Variants in DCAF13 observed in about 807,000 individuals in gnomAD.
The protein encoded by DCAF13 is DDB1 and CUL4 associated factor 13, also known as DDB1- and CUL4-associated factor 13.
A neutral mutation model predicts 59.0 loss-of-function variants in DCAF13; 38 were observed. The ratio of observed to expected loss-of-function variants is 0.64; its 90% CI spans 0.50 to 0.84. DCAF13 has a LOEUF of 0.84. Ranked by LOEUF, DCAF13 falls within the 40% of genes least tolerant of loss-of-function variation. The pLI is 0.00. For missense variants in DCAF13, 469 were observed against 558.4 expected (o/e 0.84, Z 1.61); for synonymous variants, 173 against 175.0 (o/e 0.99, Z 0.09).
chr8:103,435,673 A>G lies in DCAF13; in HGVS notation c.833A>G (p.His278Arg), dbSNP rs767153044. The change falls in exon 8 of 11, where the codon CAT becomes CGT. Residue 278 changes from histidine (H) to arginine (R), a missense_variant. His to Arg is a conservative substitution (Grantham distance 29, BLOSUM62 0). Around this residue, in one of 3 missense-constraint regions of DCAF13, gnomAD observed 355 missense variants for 399.1 expected, o/e 0.89. Transcript: ENST00000612750. Reference protein sequence around the residue: ...MRALDTPVMVHMDHVSAVLDV... With the variant: ...MRALDTPVMVRMDHVSAVLDV... ...GCACTGGACACTCCTGTAATGGTCC[A>G]TATGGATCATGTATCTGCAGTGCTT... 3.7e-6 allele frequency: 6 copies of G among 1,612,340 alleles called. No individual in the cohort carries two copies. The highest frequency in any genetic ancestry group is 5.1e-6 in the Non-Finnish European group (6 of 1,179,096).
intron 1 of DCAF13, among the ~76,000 whole-genome samples, chr8:103,415,897 T>G (rs1816604153): frequency 6.6e-6 from 1 of 152,244 alleles, no homozygotes; most frequent in Non-Finnish European, 1.5e-5. Context: ...CTGCTCTTCT[T>G]GCCGCTTTAC....
At chr8:103,427,498 G>A (rs931370908) in intron 5 of DCAF13, 1 of 451,292 alleles carries the variant, frequency 2.2e-6, no homozygotes, top group Non-Finnish European at 3.9e-6. Flanking sequence ...TGCCCATTGG[G>A]GTAAAATCCA....
chr8:103,416,218 A>C (rs1230105022), intron 1 of DCAF13, among the ~76,000 whole-genome samples: 1 of 152,248 alleles, frequency 6.6e-6, no homozygotes, highest in Admixed American at 6.5e-5. Context: ...ATGAGGAGTA[A>C]GCGAGATGAG....
chr8:103,426,208 A>G (rs989970642), intron 4 of DCAF13, 63 bp downstream of exon 4: 37 of 1,003,696 alleles, frequency 3.7e-5, no homozygotes, highest in Middle Eastern at 3.2e-4. Context: ...ATTATTTTAT[A>G]GTTATAATTT....
chr8:103,418,844 A>ATATATATATTTATATATT (rs1816667728), intron 1 of DCAF13, among the ~76,000 whole-genome samples: 1 of 15,396 alleles, frequency 6.5e-5, no homozygotes, highest in African/African-American at 2.9e-4. Flanking sequence ...ATATATATAT[A>ATATATATATTTATATATT]TATATATATA....
intron 5 of DCAF13, chr8:103,429,068 C>G (rs1442435613): frequency 1.3e-5 from 2 of 152,120 alleles, no homozygotes; most frequent in African/African-American, 4.8e-5. Flanking sequence ...TTAATTTTCT[C>G]TTAAAATATT....
intron 1 of DCAF13, 98 bp downstream of exon 1, chr8:103,415,614 G>T: frequency 1.6e-6 from 2 of 1,225,584 alleles, no homozygotes; most frequent in South Asian, 3.0e-5. Context: ...TGGCACTCTG[G>T]TCTGGTTCTT....
chr8:103,423,695 G>A (rs1171667109), intron 3 of DCAF13, among the ~76,000 whole-genome samples: 1 of 152,204 alleles, frequency 6.6e-6, no homozygotes, highest in Admixed American at 6.5e-5. Flanking sequence ...TAATAAGTAT[G>A]TGAGGTAACA....
chr8:103,419,451 A>G (rs1816692211), intron 1 of DCAF13, among the ~76,000 whole-genome samples: 1 of 152,222 alleles, frequency 6.6e-6, no homozygotes, highest in Non-Finnish European at 1.5e-5. Context: ...TTTTTTAAGT[A>G]AGTAAACAAA....
chr8:103,441,433 A>T, intron 9 of DCAF13, 22 bp from the exon 10 acceptor site: 1 of 1,573,516 alleles, frequency 6.4e-7, no homozygotes, highest in Non-Finnish European at 8.6e-7. Flanking sequence ...ATTCATTAAG[A>T]TACCAAAATG....
chr8:103,430,632 T>C lies in DCAF13; in HGVS notation c.645T>C (p.Cys215=). ...NPIETFLLGS[C]ASDRNIVLYD... is the part of the protein sequence containing the mutation. ...TTTAGACATTTCTCTTGGGAAGTTG[T>C]GCATCTGACAGGAATATAGTACTGT... The change falls in exon 6 of 11, where the codon TGT becomes TGC. Residue 215 remains cysteine, a synonymous_variant. Coordinates refer to ENST00000612750, the MANE Select transcript of DCAF13 (RefSeq NM_015420.7). 6.2e-7 allele frequency: 1 copy of C among 1,611,312 alleles called. No homozygotes were observed. Among genetic ancestry groups the C allele is most frequent in the Non-Finnish European group, 8.5e-7 (1 of 1,178,744 alleles).
intron 3 of DCAF13, among the ~76,000 whole-genome samples, chr8:103,422,953 A>G (rs1270422942): frequency 1.3e-5 from 2 of 152,168 alleles, no homozygotes; most frequent in Non-Finnish European, 2.9e-5. Flanking sequence ...CTCCATAGAG[A>G]GGCACTGGAA....
intron 3 of DCAF13, chr8:103,421,284 A>T (rs753177667): frequency 9.0e-6 from 6 of 664,066 alleles, no homozygotes; most frequent in Non-Finnish European, 1.6e-5. Flanking sequence ...GATTAAACTA[A>T]TATTCAATTT....
chr8:103,418,107 A>G (rs980434303), intron 1 of DCAF13, among the ~76,000 whole-genome samples: 21 of 151,648 alleles, frequency 1.4e-4, no homozygotes, highest in Non-Finnish European at 2.4e-4. Context: ...CAGCCTGGGC[A>G]ACAGAGCAAG....
chr8:103,419,293 G>A (rs776915582), intron 1 of DCAF13, among the ~76,000 whole-genome samples: 7 of 152,072 alleles, frequency 4.6e-5, no homozygotes, highest in African/African-American at 9.7e-5. Context: ...CCACCGTGTC[G>A]TATTCGAGTT....
intron 1 of DCAF13, among the ~76,000 whole-genome samples, chr8:103,417,752 G>A (rs1816642216): frequency 2.0e-5 from 3 of 151,972 alleles, no homozygotes; most frequent in Admixed American, 1.3e-4. Flanking sequence ...CACACAGAAA[G>A]TTTGAAGACT....
At chr8:103,442,629 A>G (rs575211316) in intron 10 of DCAF13, 166 bp from the exon 11 acceptor site, 2 of 475,674 alleles carry the variant, frequency 4.2e-6, no homozygotes, top group African/African-American at 4.0e-5. Context: ...TTAAATAAGT[A>G]AAGTTGATTT....
intron 1 of DCAF13, among the ~76,000 whole-genome samples, chr8:103,416,435 TAGTCA>T (rs1216758270): frequency 1.4e-4 from 22 of 152,226 alleles, no homozygotes; most frequent in Non-Finnish European, 2.8e-4. Flanking sequence ...CTTGCCACTT[TAGTCA>T]GTCACTACGT....
chr8:103,424,423 A>G (rs1816763236), intron 3 of DCAF13, among the ~76,000 whole-genome samples: 2 of 152,266 alleles, frequency 1.3e-5, no homozygotes, highest in African/African-American at 4.8e-5. Flanking sequence ...TAAAAATTTT[A>G]GTACACAGTG....
Sources: allele counts gnomAD v4.1 joint callset (sites outside exome capture counted in the v4.1 genomes callset), GRCh38; gene constraint gnomAD v4.1.1; regional missense constraint gnomAD v4.1.1; transcripts MANE v1.5; gene names NCBI Gene and HGNC (gene_info 2026-07-23, HGNC 2026-07-21).